The following SCMH1 variants were observed in gnomAD, a reference collection of about 807,000 sequenced individuals.
The protein encoded by SCMH1 is Scm polycomb group protein homolog 1, also known as polycomb protein SCMH1.
Under a neutral mutation model 70.8 loss-of-function variants are expected in SCMH1, and 37 were observed. The ratio of observed to expected loss-of-function variants is 0.52; its 90% CI spans 0.40 to 0.69. SCMH1 has a LOEUF of 0.69. SCMH1 is among the 30% of genes least tolerant of loss of function. The probability of loss-of-function intolerance (pLI) is 0.00; values close to 1 mark genes in which losing one functional copy is unlikely to be tolerated. For synonymous variants in SCMH1, 292 were observed against 307.4 expected (o/e 0.95, Z 0.52); for missense variants, 607 against 827.3 (o/e 0.73, Z 3.27).
intron 6 of SCMH1, among the ~76,000 whole-genome samples, chr1:41,123,341 A>C (rs1672405584): frequency 6.6e-6 from 1 of 152,198 alleles, no homozygotes; most frequent in South Asian, 2.1e-4. Context: ...AGAAACATAC[A>C]AAGGATTCCT....
Position 41,178,585 on chromosome 1 carries a change from C to T in SCMH1, c.13+7536G>A, listed in dbSNP as rs181564629. 4.3e-3 allele frequency among the ~76,000 whole-genome samples: 654 copies of T among 152,200 alleles called. 3 individuals carry two copies. Among genetic ancestry groups the T allele is most frequent in the African/African-American group, 0.015 (608 of 41,522 alleles). On this transcript the variant is annotated intron_variant, in intron 2 of 14. Coordinates refer to ENST00000337495, the Ensembl canonical transcript of SCMH1. ...ACAAAAAAAGGCAGTGGTTGCAATC[C>T]TAGTCTCTGATAAAACAGACTTTAA...
intron 9 of SCMH1, among the ~76,000 whole-genome samples, chr1:41,073,153 C>T (rs1257409025): frequency 6.6e-6 from 1 of 152,130 alleles, no homozygotes; most frequent in Non-Finnish European, 1.5e-5. Flanking sequence ...AACCATCTAC[C>T]CAATACTTCT....
At chr1:41,121,353 T>G (rs1671890347) in intron 6 of SCMH1, among the ~76,000 whole-genome samples, 1 of 152,202 alleles carries the variant, frequency 6.6e-6, no homozygotes, top group African/African-American at 2.4e-5. Context: ...CTCCAGAGCT[T>G]TCATAACTAA....
chr1:41,068,439 A>G (rs1298900474), intron 10 of SCMH1, among the ~76,000 whole-genome samples: 1 of 152,196 alleles, frequency 6.6e-6, no homozygotes, highest in Non-Finnish European at 1.5e-5. Context: ...AGAGTCTCAC[A>G]CTATCACCTA....
At chr1:41,239,822 G>A (rs143198701) in intron 1 of SCMH1, among the ~76,000 whole-genome samples, 49 of 152,192 alleles carry the variant, frequency 3.2e-4, no homozygotes, top group Admixed American at 2.9e-3. Context: ...TTTTTGTAGA[G>A]ACAGGGTCTT....
chr1:41,061,624 T>C (rs1652685508), intron 10 of SCMH1, among the ~76,000 whole-genome samples: 1 of 152,174 alleles, frequency 6.6e-6, no homozygotes, highest in African/African-American at 2.4e-5. Flanking sequence ...AATCCACTAT[T>C]ATAGTTGGAG....
At chr1:41,218,554 C>T (rs1167889296) in intron 1 of SCMH1, among the ~76,000 whole-genome samples, 1 of 152,068 alleles carries the variant, frequency 6.6e-6, no homozygotes, top group Non-Finnish European at 1.5e-5. Context: ...CTAGTTAATA[C>T]CTTAATATTA....
At chr1:41,061,898 T>C (rs1652798468) in intron 10 of SCMH1, among the ~76,000 whole-genome samples, 2 of 152,166 alleles carry the variant, frequency 1.3e-5, no homozygotes, top group Admixed American at 6.5e-5. Context: ...AGGGTCTCAC[T>C]CTTTCACACA....
intron 1 of SCMH1, among the ~76,000 whole-genome samples, chr1:41,239,315 T>C (rs1041599633): frequency 6.6e-6 from 1 of 152,326 alleles, no homozygotes; most frequent in Middle Eastern, 3.4e-3. Flanking sequence ...TTTTCTCTGT[T>C]TGAAGGACGC....
At chr1:41,102,849 C>G (rs1666960078) in intron 8 of SCMH1, among the ~76,000 whole-genome samples, 2 of 152,138 alleles carry the variant, frequency 1.3e-5, no homozygotes, top group Non-Finnish European at 2.9e-5. Flanking sequence ...GAGAAAGCAC[C>G]TGCTAGTCAG....
intron 6 of SCMH1, among the ~76,000 whole-genome samples, chr1:41,119,313 C>T (rs1481744488): frequency 6.6e-6 from 1 of 152,278 alleles, no homozygotes; most frequent in East Asian, 1.9e-4. Context: ...AGCCAGCCTT[C>T]CCAAGGTAAA....
chr1:41,153,595 C>A (rs529066131), intron 4 of SCMH1, among the ~76,000 whole-genome samples: 24 of 152,274 alleles, frequency 1.6e-4, no homozygotes, highest in Admixed American at 9.2e-4. Flanking sequence ...AGGCTAGAAA[C>A]CTCAGCCCTT....
At chr1:41,048,850 G>A (rs2148700566) in exon 11 of SCMH1, 1 of 1,614,196 alleles carries the variant, frequency 6.2e-7, no homozygotes, top group South Asian at 1.1e-5. Context: ...TCTTATCTAA[G>A]TGGGGGCCTG....
chr1:41,166,732 T>C (rs1011678728), intron 2 of SCMH1, among the ~76,000 whole-genome samples: 1 of 152,122 alleles, frequency 6.6e-6, no homozygotes, highest in East Asian at 1.9e-4. Context: ...CTAATTCAAA[T>C]GGTGTTTTGG....
intron 5 of SCMH1, among the ~76,000 whole-genome samples, chr1:41,147,505 T>C (rs774845374): frequency 6.6e-6 from 1 of 152,184 alleles, no homozygotes; most frequent in Non-Finnish European, 1.5e-5. Context: ...TTGGAAAGAA[T>C]GTGTATCTAC....
At chr1:41,183,900 C>T (rs936957309) in intron 2 of SCMH1, among the ~76,000 whole-genome samples, 3 of 152,062 alleles carry the variant, frequency 2.0e-5, no homozygotes, top group Non-Finnish European at 2.9e-5. Context: ...ATTTTTTCTA[C>T]TACAGATTTA....
chr1:41,145,786 G>C (rs1644497212), intron 5 of SCMH1, among the ~76,000 whole-genome samples: 1 of 152,128 alleles, frequency 6.6e-6, no homozygotes, highest in African/African-American at 2.4e-5. Flanking sequence ...TTATAATGCA[G>C]CTGTCTTAAG....
At chr1:41,139,459 T>C (rs1227419724) in intron 6 of SCMH1, among the ~76,000 whole-genome samples, 5 of 152,232 alleles carry the variant, frequency 3.3e-5, no homozygotes, top group African/African-American at 1.2e-4. Context: ...GGGTGGATTG[T>C]TTCCTTTTTG....
At chr1:41,185,206 C>T (rs1341837627) in intron 2 of SCMH1, among the ~76,000 whole-genome samples, 1 of 152,156 alleles carries the variant, frequency 6.6e-6, no homozygotes, top group Non-Finnish European at 1.5e-5. Flanking sequence ...TACCTAAGTT[C>T]CAGCCCTGTG....
Sources: allele counts gnomAD v4.1 joint callset (sites outside exome capture counted in the v4.1 genomes callset), GRCh38; gene constraint gnomAD v4.1.1; transcripts MANE v1.5; gene names NCBI Gene and HGNC (gene_info 2026-07-23, HGNC 2026-07-21).